Variants in ROBO2 observed in about 807,000 individuals in gnomAD.
The protein encoded by ROBO2 is roundabout guidance receptor 2.
ROBO2 carries 53 observed loss-of-function variants against 160.8 expected under a neutral mutation model. The observed-to-expected ratio is 0.33, with a 90% CI of 0.26 to 0.41. ROBO2 has a LOEUF of 0.41. ROBO2 is among the 10% of genes least tolerant of loss of function. ROBO2 has a pLI of 1.00. For synonymous variants in ROBO2, 664 were observed against 611.7 expected, an observed-to-expected ratio of 1.09 and a Z score of -1.26; for missense variants, 1,577 against 1,722.4, an observed-to-expected ratio of 0.92 and a Z score of 1.49.
intron 1 of ROBO2, among the ~76,000 whole-genome samples, chr3:75,919,584 T>C (rs1463843851): frequency 1.3e-5 from 2 of 152,226 alleles, no homozygotes; most frequent in Non-Finnish European, 2.9e-5. Context: ...TCTTTTTCTA[T>C]TGTTCAGAAT....
At chr3:77,368,079 C>A (rs1485870850) in intron 2 of ROBO2, among the ~76,000 whole-genome samples, 1 of 152,074 alleles carries the variant, frequency 6.6e-6, no homozygotes, top group Admixed American at 6.6e-5. Context: ...TTTCTTAGAG[C>A]ATTTATGAAT....
At chr3:77,431,798 C>T in intron 2 of ROBO2, among the ~76,000 whole-genome samples, 1 of 152,074 alleles carries the variant, frequency 6.6e-6, no homozygotes, top group East Asian at 1.9e-4. Flanking sequence ...TCTAGGGAGG[C>T]TATTTTTTAT....
intron 2 of ROBO2, among the ~76,000 whole-genome samples, chr3:76,006,377 C>A (rs1421307834): frequency 6.6e-6 from 1 of 152,028 alleles, no homozygotes; most frequent in African/African-American, 2.4e-5. Context: ...ACATTTCTTA[C>A]CATTTTTAGC....
rs1331165841 is a variant in ROBO2, at chr3:76,038,800, G to GTGTATATA, written c.109+101201_109+101202insATATATGT. Among the ~76,000 whole-genome samples the GTGTATATA allele has an allele frequency of 4.7e-5, 7 of 149,272 alleles. No individual in the cohort carries two copies. The East Asian group carries it at 1.9e-3, about 40-fold the overall frequency. ...TGTGTGTGTGTGTGTGTATGTATGT[G>GTGTATATA]TGTGTGTGTGTGTGTTTAAAGAGTG... On this transcript the variant is annotated intron_variant, in intron 2 of 26. Transcript: ENST00000487694.
At chr3:76,542,825 G>T (rs1476684382) in intron 2 of ROBO2, among the ~76,000 whole-genome samples, 2 of 152,136 alleles carry the variant, frequency 1.3e-5, no homozygotes, top group Non-Finnish European at 2.9e-5. Flanking sequence ...TTGCCAAGAT[G>T]TTTAAAGCCT....
intron 1 of ROBO2, among the ~76,000 whole-genome samples, chr3:75,932,898 TA>T (rs1947605995): frequency 6.6e-6 from 1 of 152,136 alleles, no homozygotes; most frequent in South Asian, 2.1e-4. Context: ...TTTATCTTAT[TA>T]AAAAATAAAA....
At chr3:76,580,317 G>GTTTTTTTTTTTTTTTTTTTTT (rs1329634324) in intron 2 of ROBO2, among the ~76,000 whole-genome samples, 1 of 38,848 alleles carries the variant, frequency 2.6e-5, no homozygotes, top group Non-Finnish European at 6.9e-5. Context: ...CCCAACCCCT[G>GTTTTTTTTTTTTTTTTTTTTT]TTTTTTTTTT....
At chr3:76,126,735 T>C (rs1193698795) in intron 2 of ROBO2, among the ~76,000 whole-genome samples, 6 of 152,176 alleles carry the variant, frequency 3.9e-5, no homozygotes, top group Non-Finnish European at 7.3e-5. Context: ...TACAGTATCA[T>C]GTTCAAATGA....
At chr3:76,633,002 A>G (rs978769150) in intron 2 of ROBO2, among the ~76,000 whole-genome samples, 2 of 152,194 alleles carry the variant, frequency 1.3e-5, no homozygotes, top group Non-Finnish European at 2.9e-5. Context: ...CGCCTTTCAG[A>G]TGAGTATTAC....
intron 2 of ROBO2, among the ~76,000 whole-genome samples, chr3:77,455,696 C>T (rs982023450): frequency 1.3e-4 from 20 of 151,440 alleles, no homozygotes; most frequent in African/African-American, 4.1e-4. Context: ...TCCCAAACTG[C>T]TGGGATTACA....
At chr3:77,394,382 T>G (rs560581203) in intron 2 of ROBO2, among the ~76,000 whole-genome samples, 2 of 152,212 alleles carry the variant, frequency 1.3e-5, no homozygotes, top group East Asian at 3.9e-4. Flanking sequence ...CAGTGGAATA[T>G]ATTAAGGATA....
At chr3:76,368,322 C>T (rs1010425930) in intron 2 of ROBO2, among the ~76,000 whole-genome samples, 1 of 151,948 alleles carries the variant, frequency 6.6e-6, no homozygotes, top group Non-Finnish European at 1.5e-5. Context: ...TACCCCAAAA[C>T]TTAGCAGCTT....
intron 2 of ROBO2, among the ~76,000 whole-genome samples, chr3:76,037,641 G>A (rs1223985254): frequency 6.6e-6 from 1 of 151,874 alleles, no homozygotes; most frequent in Non-Finnish European, 1.5e-5. Flanking sequence ...AGGCACTGGG[G>A]ATTGACTAAA....
At chr3:76,373,499 A>G (rs988189317) in intron 2 of ROBO2, among the ~76,000 whole-genome samples, 1 of 151,856 alleles carries the variant, frequency 6.6e-6, no homozygotes, top group East Asian at 1.9e-4. Flanking sequence ...CCCATAGAAC[A>G]CTCTGTTTGT....
intron 2 of ROBO2, among the ~76,000 whole-genome samples, chr3:76,525,394 T>C (rs943256315): frequency 1.3e-5 from 2 of 151,926 alleles, no homozygotes; most frequent in Admixed American, 1.3e-4. Context: ...AATCCCATGA[T>C]ATAATTTTGT....
At chr3:76,245,267 C>G (rs1019562288) in intron 2 of ROBO2, among the ~76,000 whole-genome samples, 2 of 152,186 alleles carry the variant, frequency 1.3e-5, no homozygotes, top group African/African-American at 4.8e-5. Context: ...TCGGCCAGAG[C>G]TTGAACCCTT....
At chr3:76,438,864 A>G (rs2076799938) in intron 2 of ROBO2, among the ~76,000 whole-genome samples, 1 of 151,996 alleles carries the variant, frequency 6.6e-6, no homozygotes, top group Non-Finnish European at 1.5e-5. Flanking sequence ...AGATTTTGAG[A>G]TAAGTGTCGT....
intron 2 of ROBO2, among the ~76,000 whole-genome samples, chr3:76,973,257 G>A (rs2059656467): frequency 6.6e-6 from 1 of 152,048 alleles, no homozygotes; most frequent in African/African-American, 2.4e-5. Context: ...AAACCCTTAG[G>A]CCAAGTCCTA....
chr3:77,255,570 G>A (rs1469792245), intron 2 of ROBO2, among the ~76,000 whole-genome samples: 7 of 152,136 alleles, frequency 4.6e-5, no homozygotes, highest in Admixed American at 4.6e-4. Context: ...CAGATTTGGG[G>A]AACACAGGAT....
Sources: gnomAD v4.1 joint callset for allele counts (sites outside exome capture counted in the v4.1 genomes callset) on GRCh38, gnomAD v4.1.1 for gene constraint, MANE v1.5 for transcripts, NCBI Gene and HGNC (gene_info 2026-07-23, HGNC 2026-07-21) for gene names.